The following CNTN5 variants were observed in gnomAD, a reference collection of about 807,000 sequenced individuals.
The protein encoded by CNTN5 is contactin-5.
CNTN5 carries 77 observed loss-of-function variants against 129.1 expected under a neutral mutation model. The ratio of observed to expected loss-of-function variants is 0.60; its 90% CI spans 0.50 to 0.72. The LOEUF (loss-of-function observed/expected upper bound fraction) is 0.72, where lower values mean the gene tolerates loss of function less well. Among genes scored for constraint, CNTN5 ranks in the 30% least tolerant of loss-of-function variants. CNTN5 has a pLI of 0.00. For missense variants in CNTN5, 1,478 were observed against 1,328.8 expected (o/e 1.11, Z -1.75); for synonymous variants, 509 against 465.6 (o/e 1.09, Z -1.20).
At chr11:99,201,525 A>AT (rs1859208823) in intron 1 of CNTN5, among the ~76,000 whole-genome samples, 1 of 151,828 alleles carries the variant, frequency 6.6e-6, no homozygotes, top group Admixed American at 6.6e-5. Context: ...GAACAAGAGA[A>AT]TATATTAGGT....
At chr11:99,772,556 C>A (rs1244815554) in intron 3 of CNTN5, among the ~76,000 whole-genome samples, 4 of 152,034 alleles carry the variant, frequency 2.6e-5, no homozygotes, top group Non-Finnish European at 5.9e-5. Context: ...GATACTGCAG[C>A]TCACTTGGTC....
At chr11:99,669,122 C>A (rs762227497) in intron 3 of CNTN5, among the ~76,000 whole-genome samples, 2 of 152,080 alleles carry the variant, frequency 1.3e-5, no homozygotes, top group African/African-American at 2.4e-5. Flanking sequence ...GTTCTGCCAA[C>A]CTCTACATTT....
intron 2 of CNTN5, among the ~76,000 whole-genome samples, chr11:99,444,509 C>T (rs1328222012): frequency 6.6e-6 from 1 of 152,168 alleles, no homozygotes; most frequent in Non-Finnish European, 1.5e-5. Flanking sequence ...AGTGTAATAA[C>T]ACCTAACATA....
At chr11:99,662,517 C>T (rs185325253) in intron 3 of CNTN5, among the ~76,000 whole-genome samples, 3 of 152,250 alleles carry the variant, frequency 2.0e-5, no homozygotes, top group Admixed American at 2.0e-4. Context: ...ATAGATTATG[C>T]TCATTTTCTT....
At chr11:100,254,186 C>T (rs1373715106) in intron 16 of CNTN5, among the ~76,000 whole-genome samples, 3 of 152,176 alleles carry the variant, frequency 2.0e-5, no homozygotes, top group Non-Finnish European at 4.4e-5. Context: ...CAAATTTGAA[C>T]TCTAGTACTA....
At chr11:99,434,549 T>A (rs1175268973) in intron 2 of CNTN5, among the ~76,000 whole-genome samples, 1 of 152,140 alleles carries the variant, frequency 6.6e-6, no homozygotes, top group Non-Finnish European at 1.5e-5. Flanking sequence ...ATAATCCAAT[T>A]TTCTCACAAC....
intron 1 of CNTN5, among the ~76,000 whole-genome samples, chr11:99,234,645 A>T (rs1434754401): frequency 1.3e-5 from 2 of 152,202 alleles, no homozygotes; most frequent in East Asian, 3.9e-4. Context: ...TCCACTACTT[A>T]TGTGCCTAAT....
chr11:99,173,676 T>C (rs1367618238), intron 1 of CNTN5, among the ~76,000 whole-genome samples: 1 of 152,156 alleles, frequency 6.6e-6, no homozygotes, highest in Admixed American at 6.5e-5. Context: ...GAAGAAGGAT[T>C]GAGAGCAGGC....
At chr11:100,208,615 G>A (rs1948961891) in intron 15 of CNTN5, among the ~76,000 whole-genome samples, 1 of 152,116 alleles carries the variant, frequency 6.6e-6, no homozygotes, top group Non-Finnish European at 1.5e-5. Flanking sequence ...CTCCACCTCT[G>A]GTTGGGAAGA....
intron 1 of CNTN5, among the ~76,000 whole-genome samples, chr11:99,324,380 C>A (rs1865695063): frequency 6.6e-6 from 1 of 152,076 alleles, no homozygotes; most frequent in Non-Finnish European, 1.5e-5. Context: ...TATAAACATT[C>A]TGGAAATATT....
In CNTN5 at chr11:100,223,836, A is replaced by C. The variant is rs138397602; in HGVS notation, c.1885-856A>C. Among the ~76,000 whole-genome samples, 325 of 152,340 alleles carry C rather than the reference A, an allele frequency of 2.1e-3. 1 individual carries two copies. The highest frequency in any genetic ancestry group is 0.012 in the South Asian group (60 of 4,830). On this transcript the variant is annotated intron_variant, in intron 15 of 24. Coordinates refer to ENST00000524871, the MANE Select transcript of CNTN5 (RefSeq NM_014361.4). ...CTGAGTTATTGTAAATATCAACCAG[A>C]TCTTTACATGATCACGATAAAGGAA...
intron 1 of CNTN5, among the ~76,000 whole-genome samples, chr11:99,121,681 C>T (rs574329204): frequency 5.8e-4 from 88 of 152,204 alleles, no homozygotes; most frequent in African/African-American, 2.1e-3. Context: ...GTTACTTGCT[C>T]GGGGGCAGCA....
rs561477521 is a variant in CNTN5, at chr11:99,631,207, C to T, written c.55+74938C>T. Among the ~76,000 whole-genome samples the T allele has an allele frequency of 5.3e-5, 8 of 152,104 alleles. No homozygotes were observed. The East Asian group carries it at 1.4e-3, about 26-fold the overall frequency. ...TAAGATTTTGAGATTTAATACTGTACTAAATTTCTAGAAACATAGAATTAT... is the reference window on the plus strand; with the variant it reads ...TAAGATTTTGAGATTTAATACTGTATTAAATTTCTAGAAACATAGAATTAT... On this transcript the variant is annotated intron_variant, in intron 3 of 24. Coordinates refer to ENST00000524871, the MANE Select transcript of CNTN5 (RefSeq NM_014361.4).
intron 1 of CNTN5, among the ~76,000 whole-genome samples, chr11:99,074,179 T>C (rs926179154): frequency 3.3e-5 from 5 of 152,188 alleles, no homozygotes; most frequent in Non-Finnish European, 5.9e-5. Context: ...GTGTATTCTT[T>C]TGAGAAGTGT....
chr11:99,536,636 T>A (rs1451820693), intron 2 of CNTN5, among the ~76,000 whole-genome samples: 2 of 151,992 alleles, frequency 1.3e-5, no homozygotes, highest in Non-Finnish European at 1.5e-5. Flanking sequence ...AAGAACCAAG[T>A]GATGATAACA....
chr11:100,100,446 G>A (rs1945179975), intron 13 of CNTN5, among the ~76,000 whole-genome samples: 1 of 152,138 alleles, frequency 6.6e-6, no homozygotes, highest in African/African-American at 2.4e-5. Context: ...TCCCTGTCCA[G>A]CTGGAGTTCT....
At chr11:99,656,862 G>A (rs680601) in intron 3 of CNTN5, among the ~76,000 whole-genome samples, 147,842 of 151,964 alleles carry the variant, frequency 0.97, 72,041 homozygotes, top group East Asian at 1. Flanking sequence ...ATACCCACCA[G>A]AACGTATTTC....
At position 99,046,149 on chromosome 11, in the gene CNTN5, G is replaced by A. The variant is rs11218196; in HGVS notation, c.-210+24879G>A. Among the ~76,000 whole-genome samples, 1,053 of 152,140 alleles carry A rather than the reference G, an allele frequency of 6.9e-3. 13 individuals are homozygous for A. The highest frequency in any genetic ancestry group is 0.024 in the African/African-American group (980 of 41,490). ...GGCCCAGGGGTGCGAGACCAGACTG[G>A]GCGACATGGCAAAACCCCATCTCTA... is the stretch of plus-strand genomic sequence containing the variant. On this transcript the variant is annotated intron_variant, in intron 1 of 24. Transcript: ENST00000524871.
chr11:99,742,936 C>G (rs1943931862), intron 3 of CNTN5, among the ~76,000 whole-genome samples: 1 of 152,200 alleles, frequency 6.6e-6, no homozygotes, highest in Admixed American at 6.5e-5. Context: ...TCAGAAAGCT[C>G]ACAGTCTCAC....
Sources: allele counts gnomAD v4.1 joint callset (sites outside exome capture counted in the v4.1 genomes callset), GRCh38; gene constraint gnomAD v4.1.1; transcripts MANE v1.5; gene names NCBI Gene and HGNC (gene_info 2026-07-23, HGNC 2026-07-21).